RNLS: variants seen among roughly 807,000 people sequenced by gnomAD.
RNLS encodes renalase, FAD dependent amine oxidase.
RNLS carries 39 observed loss-of-function variants against 39.8 expected under a neutral mutation model. The observed-to-expected ratio is 0.98, with a 90% CI of 0.76 to 1.28. The LOEUF (loss-of-function observed/expected upper bound fraction) is 1.28. RNLS is among the 50% of genes most tolerant of loss of function. RNLS has a pLI of 0.00. For missense variants in RNLS, 410 were observed against 413.3 expected, an observed-to-expected ratio of 0.99 and a Z score of 0.07; for synonymous variants, 147 against 150.7, an observed-to-expected ratio of 0.98 and a Z score of 0.18.
intron 4 of RNLS, among the ~76,000 whole-genome samples, chr10:88,456,395 G>C (rs1842628374): frequency 6.6e-6 from 1 of 151,686 alleles, no homozygotes; most frequent in African/African-American, 2.4e-5. Context: ...CAATGTAATA[G>C]AGGGTATATT....
intron 4 of RNLS, among the ~76,000 whole-genome samples, chr10:88,383,193 C>A (rs1036604754): frequency 3.9e-5 from 6 of 151,978 alleles, no homozygotes; most frequent in Non-Finnish European, 8.8e-5. Flanking sequence ...TATCACATGG[C>A]AGAAACAATT....
chr10:88,438,998 C>T (rs1027997970), intron 4 of RNLS, among the ~76,000 whole-genome samples: 1 of 152,178 alleles, frequency 6.6e-6, no homozygotes, highest in Admixed American at 6.5e-5. Context: ...GCCTTAGTTG[C>T]AGCACCAACA....
intron 4 of RNLS, among the ~76,000 whole-genome samples, chr10:88,473,068 C>T (rs1274242706): frequency 6.6e-6 from 1 of 152,168 alleles, no homozygotes; most frequent in Non-Finnish European, 1.5e-5. Context: ...GCCTATTGCT[C>T]CTAGGCTACA....
At chr10:88,270,591 A>G (rs894101186), downstream of RNLS, among the ~76,000 whole-genome samples, 2 of 152,102 alleles carry the variant, frequency 1.3e-5, no homozygotes, top group African/African-American at 4.8e-5. Context: ...GTCTGGTTCC[A>G]CTCAGGATCC....
chr10:88,556,399 A>G (rs748341133), intron 4 of RNLS, among the ~76,000 whole-genome samples: 2 of 152,180 alleles, frequency 1.3e-5, no homozygotes, highest in African/African-American at 2.4e-5. Flanking sequence ...CTGCATTGAC[A>G]ACATCAGTTC....
At chr10:88,233,677 C>T in the RNLS span, among the ~76,000 whole-genome samples, 1 of 152,114 alleles carries the variant, frequency 6.6e-6, no homozygotes. Context: ...TTTTTACTTG[C>T]TAAATCTAGA....
the RNLS span, among the ~76,000 whole-genome samples, chr10:88,198,352 T>C: frequency 1.3e-5 from 2 of 152,222 alleles, no homozygotes; most frequent in East Asian, 3.8e-4. Context: ...GTAGACCTTT[T>C]GGGAGCAGCC....
At chr10:88,351,881 G>C (rs533106549) in intron 5 of RNLS, among the ~76,000 whole-genome samples, 5 of 152,234 alleles carry the variant, frequency 3.3e-5, no homozygotes, top group Non-Finnish European at 7.3e-5. Flanking sequence ...TTATTTTGTT[G>C]AGTAGTGGTT....
At chr10:88,472,745 T>TG (rs913474473) in intron 4 of RNLS, among the ~76,000 whole-genome samples, 1 of 152,144 alleles carries the variant, frequency 6.6e-6, no homozygotes, top group African/African-American at 2.4e-5. Flanking sequence ...CCCCATCACC[T>TG]GGGGGAGCTT....
intron 4 of RNLS, among the ~76,000 whole-genome samples, chr10:88,438,965 C>CG (rs1841562038): frequency 7.3e-6 from 1 of 137,174 alleles, no homozygotes; most frequent in South Asian, 2.7e-4. Flanking sequence ...CTGATATCAC[C>CG]GGGGGCGGGT....
intron 4 of RNLS, among the ~76,000 whole-genome samples, chr10:88,501,427 T>C (rs760937033): frequency 1.9e-4 from 29 of 152,156 alleles, no homozygotes; most frequent in Non-Finnish European, 3.1e-4. Flanking sequence ...AAGAGTAGTA[T>C]ACAATCTTAT....
the RNLS span, among the ~76,000 whole-genome samples, chr10:88,180,638 T>G: frequency 6.6e-6 from 1 of 152,228 alleles, no homozygotes; most frequent in African/African-American, 2.4e-5. Context: ...CAAAAATATA[T>G]GTTAATCTAA....
chr10:88,372,180 A>C (rs1237773607), intron 4 of RNLS, among the ~76,000 whole-genome samples: 2 of 152,158 alleles, frequency 1.3e-5, no homozygotes, highest in Non-Finnish European at 2.9e-5. Context: ...AGGCCTTTGC[A>C]GCATTGTAAA....
intron 4 of RNLS, among the ~76,000 whole-genome samples, chr10:88,491,958 T>C (rs572731296): frequency 3.7e-4 from 52 of 140,410 alleles, no homozygotes; most frequent in African/African-American, 1.2e-3. Context: ...AAGAGTTTTG[T>C]TTTTTTTTTT....
chr10:88,389,038 T>C (rs1244162173), intron 4 of RNLS, among the ~76,000 whole-genome samples: 2 of 152,186 alleles, frequency 1.3e-5, no homozygotes, highest in African/African-American at 4.8e-5. Context: ...TGATAGTAGC[T>C]GCCATCATCT....
intron 4 of RNLS, among the ~76,000 whole-genome samples, chr10:88,491,262 G>T (rs1184794871): frequency 6.6e-6 from 1 of 152,142 alleles, no homozygotes; most frequent in Non-Finnish European, 1.5e-5. Flanking sequence ...CTGAAGAGAG[G>T]AAAAGGTACT....
At chr10:88,389,560 T>TA (rs998918144) in intron 4 of RNLS, among the ~76,000 whole-genome samples, 4 of 12,276 alleles carry the variant, frequency 3.3e-4, no homozygotes, top group African/African-American at 2.0e-3. Context: ...AGGGATTTCT[T>TA]AACTGAGTTG....
chr10:88,283,488 A>T (rs927107494), downstream of RNLS, among the ~76,000 whole-genome samples: 2 of 152,176 alleles, frequency 1.3e-5, no homozygotes, highest in African/African-American at 4.8e-5. Context: ...GGGTGCTTTC[A>T]GTCAAATGGC....
intron 4 of RNLS, among the ~76,000 whole-genome samples, chr10:88,372,172 G>T (rs1850609494): frequency 3.9e-5 from 6 of 152,050 alleles, no homozygotes; most frequent in Admixed American, 3.9e-4. Flanking sequence ...ATGCCAAAAG[G>T]CCTTTGCAGC....
Sources: allele counts gnomAD v4.1 joint callset (sites outside exome capture counted in the v4.1 genomes callset), GRCh38; gene constraint gnomAD v4.1.1; transcripts MANE v1.5; gene names NCBI Gene and HGNC (gene_info 2026-07-23, HGNC 2026-07-21).